The following ARHGEF17 variants were observed in gnomAD, a reference collection of about 807,000 sequenced individuals.
The protein encoded by ARHGEF17 is Rho guanine nucleotide exchange factor 17.
A neutral mutation model predicts 174.0 loss-of-function variants in ARHGEF17; 80 were observed. The ratio of observed to expected loss-of-function variants is 0.46; its 90% CI spans 0.38 to 0.55. ARHGEF17 has a LOEUF of 0.55. Among genes scored for constraint, ARHGEF17 ranks in the 20% least tolerant of loss-of-function variants. The pLI, the probability that ARHGEF17 is intolerant of heterozygous loss-of-function variation, is 0.00. For synonymous variants in ARHGEF17, 1,311 were observed against 1,189.1 expected (o/e 1.10, Z -2.11); for missense variants, 2,886 against 2,839.7 (o/e 1.02, Z -0.37).
At chr11:73,336,271 C>T (rs1458831785) in intron 1 of ARHGEF17, among the ~76,000 whole-genome samples, 1 of 152,208 alleles carries the variant, frequency 6.6e-6, no homozygotes, top group Non-Finnish European at 1.5e-5. Flanking sequence ...AACAGGAATA[C>T]ATAACTCAGA....
chr11:73,313,758 C>T (rs773506933), intron 1 of ARHGEF17, among the ~76,000 whole-genome samples: 59 of 152,350 alleles, frequency 3.9e-4, no homozygotes, highest in Non-Finnish European at 6.8e-4. Flanking sequence ...GAGCCTTGCT[C>T]TTCTGATCCC....
chr11:73,325,742 T>G (rs1865091641), intron 1 of ARHGEF17, among the ~76,000 whole-genome samples: 1 of 152,218 alleles, frequency 6.6e-6, no homozygotes, highest in African/African-American at 2.4e-5. Flanking sequence ...GCATTATCCA[T>G]CTGGAGAGAT....
intron 1 of ARHGEF17, among the ~76,000 whole-genome samples, chr11:73,343,774 G>GT (rs1368613165): frequency 6.6e-6 from 1 of 152,162 alleles, no homozygotes; most frequent in Non-Finnish European, 1.5e-5. Context: ...TCTTGGGGCT[G>GT]TTTCCCTGTC....
Position 73,309,546 on chromosome 11 carries a change from A to T in ARHGEF17, c.908A>T (p.Asp303Val). 6.3e-7 allele frequency: 1 copy of T among 1,598,240 alleles called. No individual in the cohort carries two copies. The highest frequency in any genetic ancestry group is 1.7e-4 in the Middle Eastern group (1 of 6,012). Residue 303 changes from aspartate to valine, a missense_variant, in exon 1 of 21, where the codon GAT becomes GTT. By Grantham distance (152) the Asp-to-Val change is radical (BLOSUM62 -3). This residue lies in a region of ARHGEF17 where 1,728 missense variants were observed against 1,461.2 expected (regional missense o/e 1.18). Coordinates refer to ENST00000263674, the MANE Select transcript of ARHGEF17 (RefSeq NM_014786.4). ...CTCAGGCCTGGAAGCTCCCTATTGG[A>T]TCAGGACTGCAGGCCTGACAGTGAT... Reference protein sequence around the residue: ...PGLRPGSSLLDQDCRPDSDGL... With the variant: ...PGLRPGSSLLVQDCRPDSDGL...
chr11:73,336,463 A>G (rs1260276530), intron 1 of ARHGEF17, among the ~76,000 whole-genome samples: 1 of 152,190 alleles, frequency 6.6e-6, no homozygotes, highest in East Asian at 1.9e-4. Context: ...GTGCACCAGC[A>G]AGGTTCAGCA....
chr11:73,353,096 C>G (rs1865583054), intron 3 of ARHGEF17, 84 bp downstream of exon 3: 4 of 1,528,924 alleles, frequency 2.6e-6, no homozygotes, highest in Non-Finnish European at 3.6e-6. Context: ...CCACCCCCAC[C>G]CATCCCACCT....
intron 1 of ARHGEF17, among the ~76,000 whole-genome samples, chr11:73,326,855 G>A (rs1487901657): frequency 6.6e-6 from 1 of 152,236 alleles, no homozygotes; most frequent in Non-Finnish European, 1.5e-5. Context: ...TCTGCCCCCT[G>A]GACCACATCT....
rs978806913 is a variant in ARHGEF17 at position 73,363,957 on chromosome 11, C to A, written c.5333+124C>A. On this transcript the variant is annotated intron_variant, in intron 16 of 20. Transcript: ENST00000263674. ...CTGTGTGGAGGCTGGAAGCCAGAGG[C>A]CTGGCCCTAGGCTAGCTGTGCCTCT... is the stretch of plus-strand genomic sequence containing the variant. 5 of 1,195,026 alleles carry A rather than the reference C, an allele frequency of 4.2e-6. No individual in the cohort carries two copies. The African/African-American group carries it at 6.0e-5, about 14-fold the overall frequency. 74.0% of individuals were successfully genotyped at this position (1,195,026 alleles called of 1,614,324 possible). A position where few individuals can be genotyped will look rare whatever the true frequency, so the allele number is the denominator to read the frequency against.
At chr11:73,329,355 ATATATATATATATATATATTTTT>A (rs1357639504) in intron 1 of ARHGEF17, among the ~76,000 whole-genome samples, 1 of 11,454 alleles carries the variant, frequency 8.7e-5, no homozygotes, top group African/African-American at 4.5e-4. Flanking sequence ...ATATATATAT[ATATATATATATATATATATTTTT>A]TTTTTTTTTT....
intron 2 of ARHGEF17, among the ~76,000 whole-genome samples, chr11:73,347,998 A>G (rs892259066): frequency 6.6e-6 from 1 of 152,156 alleles, no homozygotes; most frequent in Non-Finnish European, 1.5e-5. Context: ...GCACAACTGG[A>G]GCAAGGTGGT....
At chr11:73,337,912 A>G (rs1865311575) in intron 1 of ARHGEF17, among the ~76,000 whole-genome samples, 1 of 152,116 alleles carries the variant, frequency 6.6e-6, no homozygotes, top group South Asian at 2.1e-4. Flanking sequence ...AGGTGCATAC[A>G]CGCACCCACC....
intron 1 of ARHGEF17, among the ~76,000 whole-genome samples, chr11:73,341,153 TA>T (rs956665788): frequency 4.6e-5 from 7 of 152,162 alleles, no homozygotes; most frequent in African/African-American, 1.4e-4. Context: ...AGTAATTGCT[TA>T]AATGTATATT....
In ARHGEF17 at chr11:73,365,977, G is replaced by A. The variant is rs746119675; in HGVS notation, c.5995+30G>A. On this transcript the variant is annotated intron_variant, in intron 20 of 20. Transcript: ENST00000263674. This position sits in a 1 kb window ranked among gnomAD's most constrained non-coding sequence, Gnocchi z 4.9. ...GTCAGTGCATCATACCCCAAGCTAG[G>A]GATCATGGACATTTGGTTTAGGACT... 6.3e-7 allele frequency: 1 copy of A among 1,584,450 alleles called. No individual in the cohort carries two copies. The highest frequency in any genetic ancestry group is 8.6e-7 in the Non-Finnish European group (1 of 1,168,072).
At chr11:73,314,590 G>A (rs765238730) in intron 1 of ARHGEF17, among the ~76,000 whole-genome samples, 1 of 152,226 alleles carries the variant, frequency 6.6e-6, no homozygotes, top group Admixed American at 6.5e-5. Flanking sequence ...AGCCAGCGGT[G>A]TGGCTGGAGG....
chr11:73,313,488 T>G lies in ARHGEF17; in HGVS notation c.3192+1658T>G, dbSNP rs190749089. ...TGGGGGTGCTTCTAAGAGAAGGCTT[T>G]GAGACCCAGAGAGGAGGTGGGAGTT... On this transcript the variant is annotated intron_variant, in intron 1 of 20. Transcript: ENST00000263674. 1.6e-4 allele frequency among the ~76,000 whole-genome samples: 25 copies of G among 152,328 alleles called. No homozygotes were observed. The East Asian group carries it at 4.6e-3, about 28-fold the overall frequency.
chr11:73,362,885 C>G, intron 14 of ARHGEF17, 151 bp downstream of exon 14: 3 of 1,071,874 alleles, frequency 2.8e-6, no homozygotes, highest in Non-Finnish European at 3.9e-6. Context: ...GGATGTGACA[C>G]CAAGGATCCA....
chr11:73,335,785 T>C (rs75610479), intron 1 of ARHGEF17, among the ~76,000 whole-genome samples: 12,719 of 152,264 alleles, frequency 0.084, 1,712 homozygotes, highest in African/African-American at 0.28. Flanking sequence ...CCACCTCTGC[T>C]GCCAGGAAGC....
intron 1 of ARHGEF17, 117 bp from the exon 2 acceptor site, chr11:73,346,766 A>G: frequency 1.3e-6 from 1 of 775,950 alleles, no homozygotes; most frequent in South Asian, 2.7e-5. Flanking sequence ...GGCAGGAGGG[A>G]AGGGCCAGGA....
chr11:73,329,791 T>C (rs1465592878), intron 1 of ARHGEF17, among the ~76,000 whole-genome samples: 1 of 152,200 alleles, frequency 6.6e-6, no homozygotes, highest in Non-Finnish European at 1.5e-5. Flanking sequence ...TTTTTCAGTC[T>C]TTTGCTGTTA....
Sources: gnomAD v4.1 joint callset for allele counts (sites outside exome capture counted in the v4.1 genomes callset) on GRCh38, gnomAD v4.1.1 for gene constraint, gnomAD v4.1.1 regional missense constraint, Gnocchi (gnomAD v3.1) non-coding constraint, MANE v1.5 for transcripts, NCBI Gene and HGNC (gene_info 2026-07-23, HGNC 2026-07-21) for gene names.